DAB1: variants seen among roughly 807,000 people sequenced by gnomAD.
The protein encoded by DAB1 is DAB adaptor protein 1, also known as disabled homolog 1.
A neutral mutation model predicts 64.6 loss-of-function variants in DAB1; 15 were observed. That is an observed-to-expected ratio of 0.23 (90% CI 0.16 to 0.36). The LOEUF is 0.36. Ranked by LOEUF, DAB1 falls within the 10% of genes least tolerant of loss-of-function variation. The pLI is 1.00. For missense variants in DAB1, 596 were observed against 706.7 expected (o/e 0.84, Z 1.78); for synonymous variants, 235 against 251.9 (o/e 0.93, Z 0.64).
chr1:58,321,487 G>A (rs1009602544), intron 4 of DAB1, among the ~76,000 whole-genome samples: 37 of 152,352 alleles, frequency 2.4e-4, no homozygotes, highest in African/African-American at 4.6e-4. Flanking sequence ...GCAAGGGGTC[G>A]GGAGATTTCC....
chr1:57,343,527 C>G (rs560884634), intron 1 of DAB1, among the ~76,000 whole-genome samples: 1 of 152,228 alleles, frequency 6.6e-6, no homozygotes, highest in South Asian at 2.1e-4. Flanking sequence ...GAGGCTCCGC[C>G]GCACAAGAGC....
intron 5 of DAB1, among the ~76,000 whole-genome samples, chr1:58,094,430 T>C (rs1030643894): frequency 2.6e-5 from 4 of 152,270 alleles, no homozygotes; most frequent in African/African-American, 9.6e-5. Context: ...TCATTTGTTT[T>C]GCTTTTAGGA....
At chr1:57,198,029 G>T (rs1210072754) in intron 2 of DAB1, among the ~76,000 whole-genome samples, 1 of 152,036 alleles carries the variant, frequency 6.6e-6, no homozygotes, top group Non-Finnish European at 1.5e-5. Context: ...AAAATAATGA[G>T]AATATATACA....
At chr1:57,200,458 A>T (rs1664997841) in intron 2 of DAB1, among the ~76,000 whole-genome samples, 1 of 152,226 alleles carries the variant, frequency 6.6e-6, no homozygotes. Context: ...GCTATGTGTT[A>T]TGTAGTATAG....
Position 57,012,433 on chromosome 1 carries a change from C to A in DAB1, c.1445-1161G>T, listed in dbSNP as rs957923675. Among the ~76,000 whole-genome samples, 13 of 152,082 alleles carry A rather than the reference C, an allele frequency of 8.5e-5. 1 individual carries two copies. Among genetic ancestry groups the A allele is most frequent in the Admixed American group, 7.2e-4 (11 of 15,254 alleles). ...CAGCTCAGGGAGGTGAGGTGTCTTG[C>A]GAAGGGTTAACACAGCTATGAAATA... is the stretch of plus-strand genomic sequence containing the variant. On this transcript the variant is annotated intron_variant, in intron 12 of 14. Coordinates refer to ENST00000371236, the MANE Select transcript of DAB1 (RefSeq NM_001365792.1).
At chr1:58,174,359 C>T (rs1390262281) in intron 4 of DAB1, among the ~76,000 whole-genome samples, 4 of 152,150 alleles carry the variant, frequency 2.6e-5, no homozygotes, top group African/African-American at 4.8e-5. Context: ...AATTTGTTTC[C>T]TCTAGGATCA....
chr1:58,481,998 A>C (rs1645494257), intron 3 of DAB1, among the ~76,000 whole-genome samples: 1 of 152,248 alleles, frequency 6.6e-6, no homozygotes, highest in Non-Finnish European at 1.5e-5. Context: ...AGAAAAGTAA[A>C]CAAATCAAAA....
chr1:57,890,595 C>T (rs777204806), intron 5 of DAB1, among the ~76,000 whole-genome samples: 24 of 151,900 alleles, frequency 1.6e-4, no homozygotes, highest in Middle Eastern at 3.4e-3. Context: ...CACTGGGATC[C>T]CCGGCATGCA....
intron 7 of DAB1, among the ~76,000 whole-genome samples, chr1:57,588,189 C>A (rs1422506372): frequency 6.6e-6 from 1 of 152,162 alleles, no homozygotes; most frequent in Non-Finnish European, 1.5e-5. Flanking sequence ...GCAGCATCAG[C>A]CTAACCTGGA....
intron 2 of DAB1, among the ~76,000 whole-genome samples, chr1:57,252,925 G>C (rs1329857512): frequency 6.6e-6 from 1 of 152,214 alleles, no homozygotes; most frequent in Non-Finnish European, 1.5e-5. Flanking sequence ...GACAGCCAAG[G>C]CCCAGATAGA....
At chr1:58,346,924 C>G (rs1281511490) in intron 3 of DAB1, among the ~76,000 whole-genome samples, 1 of 152,196 alleles carries the variant, frequency 6.6e-6, no homozygotes, top group Non-Finnish European at 1.5e-5. Flanking sequence ...TCAAACTTGA[C>G]TCCACCATCT....
Position 57,375,498 on chromosome 1 carries a change from T to C in DAB1, c.-137+48432A>G, listed in dbSNP as rs186192582. 5.3e-3 allele frequency among the ~76,000 whole-genome samples: 806 copies of C among 152,322 alleles called. 4 individuals carry two copies. The highest frequency in any genetic ancestry group is 9.3e-3 in the Non-Finnish European group (633 of 68,030). ...TCCCAGGCAAGCTCTAAGGAAGCTC[T>C]TTTACGTAGATTAAAGTAAATATCA... On this transcript the variant is annotated intron_variant, in intron 1 of 14. Coordinates refer to ENST00000371236, the MANE Select transcript of DAB1 (RefSeq NM_001365792.1).
chr1:57,774,288 T>C (rs1203434013), intron 6 of DAB1, among the ~76,000 whole-genome samples: 3 of 151,882 alleles, frequency 2.0e-5, no homozygotes, highest in Non-Finnish European at 4.4e-5. Flanking sequence ...TATAATTGTT[T>C]TTTGTATACT....
intron 5 of DAB1, among the ~76,000 whole-genome samples, chr1:57,982,672 C>T (rs953702071): frequency 6.6e-6 from 1 of 152,194 alleles, no homozygotes; most frequent in Non-Finnish European, 1.5e-5. Flanking sequence ...TTCAAGGAAG[C>T]AAAATTCTCT....
chr1:57,359,878 A>G (rs552073081), intron 1 of DAB1, among the ~76,000 whole-genome samples: 20 of 152,168 alleles, frequency 1.3e-4, no homozygotes, highest in Non-Finnish European at 2.5e-4. Flanking sequence ...TGTGGAATCT[A>G]AAAGAGTTGA....
Position 58,415,142 on chromosome 1 carries a change from T to A in DAB1, n.258-71739A>T, listed in dbSNP as rs1026010122. ...TAGTGGCCTTATAGGAAGAGGAAGA[T>A]CTGTCCCCCTCTCTCTCTCTCTGAA... On this transcript the variant is annotated intron_variant and non_coding_transcript_variant, in intron 3 of 20. Transcript: ENST00000485760. 2.6e-5 allele frequency among the ~76,000 whole-genome samples: 4 copies of A among 152,024 alleles called. No homozygotes were observed. In the East Asian group the frequency reaches 5.8e-4, roughly 22 times the overall value.
At chr1:57,005,902 CTTATTA>C (rs1646049371) in intron 14 of DAB1, among the ~76,000 whole-genome samples, 1 of 152,112 alleles carries the variant, frequency 6.6e-6, no homozygotes. Context: ...TAAAATATAT[CTTATTA>C]TTATTAGTAA....
chr1:57,948,041 GA>G (rs1645209604), intron 5 of DAB1, among the ~76,000 whole-genome samples: 1 of 152,094 alleles, frequency 6.6e-6, no homozygotes, highest in Non-Finnish European at 1.5e-5. Flanking sequence ...CTAGCCCCTT[GA>G]CCTGGGGTCC....
chr1:58,475,120 C>A (rs1031013902), intron 3 of DAB1, among the ~76,000 whole-genome samples: 1 of 152,142 alleles, frequency 6.6e-6, no homozygotes, highest in Non-Finnish European at 1.5e-5. Context: ...ACTCTCCAGA[C>A]AAGAGCCGTA....
Sources: allele counts gnomAD v4.1 joint callset (sites outside exome capture counted in the v4.1 genomes callset), GRCh38; gene constraint gnomAD v4.1.1; transcripts MANE v1.5; gene names NCBI Gene and HGNC (gene_info 2026-07-23, HGNC 2026-07-21).